The following CNTNAP2 variants were observed in gnomAD, a reference collection of about 807,000 sequenced individuals.
CNTNAP2 encodes contactin associated protein 2.
A neutral mutation model predicts 155.2 loss-of-function variants in CNTNAP2; 98 were observed. The observed-to-expected ratio is 0.63, with a 90% CI of 0.54 to 0.75. The LOEUF is 0.75. Ranked by LOEUF, CNTNAP2 falls within the 30% of genes least tolerant of loss-of-function variation. CNTNAP2 has a pLI of 0.00. For synonymous variants in CNTNAP2, 651 were observed against 631.2 expected (o/e 1.03, Z -0.47); for missense variants, 1,727 against 1,688.1 (o/e 1.02, Z -0.40).
intron 10 of CNTNAP2, among the ~76,000 whole-genome samples, chr7:147,452,840 G>C (rs1797857008): frequency 6.6e-6 from 1 of 151,702 alleles, no homozygotes; most frequent in South Asian, 2.1e-4. Context: ...CAAACGTAGA[G>C]TAATGTGGAA....
At chr7:147,938,749 A>T (rs1800662239) in intron 14 of CNTNAP2, among the ~76,000 whole-genome samples, 4 of 152,172 alleles carry the variant, frequency 2.6e-5, no homozygotes, top group Admixed American at 2.6e-4. Context: ...ATCTGCTCAA[A>T]TTCCAGGGCT....
intron 4 of CNTNAP2, among the ~76,000 whole-genome samples, chr7:147,063,862 T>TA (rs775254094): frequency 1.3e-5 from 2 of 152,074 alleles, no homozygotes; most frequent in Non-Finnish European, 2.9e-5. Context: ...AAAAGCAGTA[T>TA]AAAAAATCTT....
intron 8 of CNTNAP2, among the ~76,000 whole-genome samples, chr7:147,265,264 G>A (rs1296046303): frequency 6.6e-6 from 1 of 152,182 alleles, no homozygotes; most frequent in Non-Finnish European, 1.5e-5. Context: ...AGATAAACGT[G>A]TGCCATGGGG....
At chr7:147,690,267 A>T (rs946807508) in intron 13 of CNTNAP2, among the ~76,000 whole-genome samples, 6 of 152,262 alleles carry the variant, frequency 3.9e-5, no homozygotes, top group Non-Finnish European at 8.8e-5. Flanking sequence ...ATATTTCAAG[A>T]CGTAACTCTG....
chr7:148,137,141 G>A (rs369569749), intron 16 of CNTNAP2, among the ~76,000 whole-genome samples: 2 of 152,130 alleles, frequency 1.3e-5, no homozygotes, highest in East Asian at 1.9e-4. Context: ...ACTTATCCTG[G>A]GATACTTTCA....
At chr7:146,229,284 G>A (rs1369919082) in intron 1 of CNTNAP2, among the ~76,000 whole-genome samples, 1 of 152,080 alleles carries the variant, frequency 6.6e-6, no homozygotes, top group African/African-American at 2.4e-5. Context: ...TGTTTCAGTG[G>A]TATACAAACT....
At chr7:147,352,177 G>A (rs1045298748) in intron 9 of CNTNAP2, among the ~76,000 whole-genome samples, 10 of 151,850 alleles carry the variant, frequency 6.6e-5, no homozygotes, top group Non-Finnish European at 1.2e-4. Flanking sequence ...TTTGAAATAT[G>A]TATATAATTT....
At chr7:146,684,588 T>C (rs1800561463) in intron 1 of CNTNAP2, among the ~76,000 whole-genome samples, 1 of 111,490 alleles carries the variant, frequency 9.0e-6, no homozygotes, top group Non-Finnish European at 1.7e-5. Context: ...AAGATCACCA[T>C]GACAGAATAG....
intron 13 of CNTNAP2, among the ~76,000 whole-genome samples, chr7:147,817,804 T>C (rs60357606): frequency 0.11 from 16,408 of 150,772 alleles, 1,200 homozygotes; most frequent in Admixed American, 0.19. Flanking sequence ...ACCTGAGAGG[T>C]TGAGGCAGGA....
At chr7:147,359,303 T>G (rs534026803) in intron 9 of CNTNAP2, among the ~76,000 whole-genome samples, 22 of 152,292 alleles carry the variant, frequency 1.4e-4, no homozygotes, top group African/African-American at 5.3e-4. Flanking sequence ...CTTAAAAGTA[T>G]GAGCAAAATC....
intron 14 of CNTNAP2, among the ~76,000 whole-genome samples, chr7:147,940,556 CACAGTCTA>C (rs1398658503): frequency 6.6e-6 from 1 of 151,892 alleles, no homozygotes; most frequent in Non-Finnish European, 1.5e-5. Context: ...ATTTTTGAGA[CACAGTCTA>C]ACTCTGATGC....
chr7:147,994,335 C>T (rs1487506630), intron 15 of CNTNAP2, among the ~76,000 whole-genome samples: 2 of 148,626 alleles, frequency 1.3e-5, no homozygotes, highest in Non-Finnish European at 3.0e-5. Flanking sequence ...TGTGCCACTG[C>T]ACTACAGCTT....
chr7:147,179,945 T>C (rs1802421268), intron 8 of CNTNAP2, among the ~76,000 whole-genome samples: 1 of 152,000 alleles, frequency 6.6e-6, no homozygotes, highest in Non-Finnish European at 1.5e-5. Context: ...GTGAATTGAG[T>C]CCATAGGAAC....
At chr7:147,514,908 A>T (rs141334903) in intron 11 of CNTNAP2, among the ~76,000 whole-genome samples, 1 of 152,248 alleles carries the variant, frequency 6.6e-6, no homozygotes, top group Non-Finnish European at 1.5e-5. Flanking sequence ...CCCAGGCCCT[A>T]TTCACTCTCA....
chr7:146,495,829 G>A (rs189230769), intron 1 of CNTNAP2, among the ~76,000 whole-genome samples: 2 of 152,112 alleles, frequency 1.3e-5, no homozygotes, highest in East Asian at 3.9e-4. Context: ...TAGGCTTATG[G>A]GTACAAGTGG....
intron 1 of CNTNAP2, among the ~76,000 whole-genome samples, chr7:146,703,309 T>A (rs529002255): frequency 4.9e-4 from 74 of 152,270 alleles, no homozygotes; most frequent in Middle Eastern, 3.4e-3. Context: ...TGGTCAAGTG[T>A]ATGTCTCATG....
At chr7:147,421,894 G>C (rs1173146862) in intron 10 of CNTNAP2, among the ~76,000 whole-genome samples, 1 of 151,744 alleles carries the variant, frequency 6.6e-6, no homozygotes, top group Non-Finnish European at 1.5e-5. Context: ...TGAGATGCTT[G>C]CTCCCTCTTG....
At chr7:147,981,425 G>A (rs552374260) in intron 15 of CNTNAP2, among the ~76,000 whole-genome samples, 1 of 152,310 alleles carries the variant, frequency 6.6e-6, no homozygotes, top group African/African-American at 2.4e-5. Context: ...TGTTTATAGA[G>A]ATGAACTTAC....
intron 9 of CNTNAP2, among the ~76,000 whole-genome samples, chr7:147,315,898 GTAC>G (rs1161602911): frequency 1.3e-5 from 2 of 151,828 alleles, no homozygotes; most frequent in African/African-American, 2.4e-5. Context: ...TCATGTAACA[GTAC>G]TTTATCCCTA....
Sources: gnomAD v4.1 joint callset for allele counts (sites outside exome capture counted in the v4.1 genomes callset) on GRCh38, gnomAD v4.1.1 for gene constraint, MANE v1.5 for transcripts, NCBI Gene and HGNC (gene_info 2026-07-23, HGNC 2026-07-21) for gene names.